The following CNTN5 variants were observed in gnomAD, a reference collection of about 807,000 sequenced individuals.
CNTN5 encodes the protein contactin 5, also known as contactin-5.
In CNTN5, 77 loss-of-function variants were observed where a neutral mutation model predicts 129.1. The observed-to-expected ratio is 0.60, with a 90% confidence interval of 0.50 to 0.72. The LOEUF (loss-of-function observed/expected upper bound fraction) is 0.72, where lower values mean the gene tolerates loss of function less well. CNTN5 is among the 30% of genes least tolerant of loss of function. The probability of loss-of-function intolerance (pLI) is 0.00; values close to 1 mark genes in which losing one functional copy is unlikely to be tolerated. For synonymous variants in CNTN5, 509 were observed against 465.6 expected (o/e 1.09, Z -1.20); for missense variants, 1,478 against 1,328.8 (o/e 1.11, Z -1.75).
intron 3 of CNTN5, among the ~76,000 whole-genome samples, chr11:99,560,954 AT>A (rs1182257916): frequency 5.3e-5 from 8 of 152,178 alleles, no homozygotes; most frequent in Non-Finnish European, 8.8e-5. Context: ...ACTAATACCT[AT>A]TTCATTTCTC....
chr11:100,233,558 G>C (rs1301710598), intron 16 of CNTN5, among the ~76,000 whole-genome samples: 2 of 152,176 alleles, frequency 1.3e-5, no homozygotes, highest in Non-Finnish European at 2.9e-5. Flanking sequence ...TGAGACAATA[G>C]TATTAGTAAT....
intron 7 of CNTN5, among the ~76,000 whole-genome samples, chr11:99,932,097 T>C (rs1409669896): frequency 6.6e-6 from 1 of 152,200 alleles, no homozygotes; most frequent in Admixed American, 6.6e-5. Flanking sequence ...ACTGTATTCA[T>C]TTTTTTCAGC....
rs570332881 is a variant in CNTN5 at position 100,071,291 on chromosome 11, G to A, written c.1300-414G>A. 2.6e-5 allele frequency among the ~76,000 whole-genome samples: 4 copies of A among 151,986 alleles called. No individual in the cohort carries two copies. In the East Asian group the frequency reaches 7.8e-4, roughly 30 times the overall value. ...GTAAAGGGATTGTTCTTATGACCTG[G>A]GCTATTTTTAACCTTGATCTCATGT... On this transcript the variant is annotated intron_variant, in intron 11 of 24. Transcript: ENST00000524871.
At chr11:100,196,816 G>T (rs527388419) in intron 15 of CNTN5, among the ~76,000 whole-genome samples, 1 of 151,450 alleles carries the variant, frequency 6.6e-6, no homozygotes, top group Admixed American at 6.6e-5. Context: ...CCTTTTTTTT[G>T]GCAAATTTTA....
chr11:99,932,949 C>T (rs1470563634), intron 7 of CNTN5, among the ~76,000 whole-genome samples: 1 of 152,104 alleles, frequency 6.6e-6, no homozygotes, highest in Non-Finnish European at 1.5e-5. Flanking sequence ...TTTTCCTACT[C>T]GATGTAGGCT....
chr11:100,070,649 C>G (rs1943886078), intron 11 of CNTN5, 89 bp downstream of exon 11: 3 of 1,241,698 alleles, frequency 2.4e-6, no homozygotes, highest in South Asian at 1.3e-5. Context: ...TTATTGAAAG[C>G]CTTTTCCTGT....
intron 3 of CNTN5, among the ~76,000 whole-genome samples, chr11:99,633,210 G>T (rs1346854853): frequency 2.0e-5 from 3 of 152,102 alleles, no homozygotes; most frequent in Non-Finnish European, 4.4e-5. Flanking sequence ...AACCTGACAA[G>T]AATAGACTTC....
intron 24 of CNTN5, among the ~76,000 whole-genome samples, 154 bp downstream of exon 24, chr11:100,351,024 C>T (rs1234673583): frequency 6.6e-6 from 1 of 151,628 alleles, no homozygotes; most frequent in African/African-American, 2.4e-5. Flanking sequence ...TTAATATGAA[C>T]CATAGTAATC....
intron 3 of CNTN5, among the ~76,000 whole-genome samples, chr11:99,710,253 A>G (rs564451888): frequency 8.8e-4 from 133 of 151,930 alleles, no homozygotes; most frequent in African/African-American, 3.1e-3. Flanking sequence ...ACCCTGCGTC[A>G]AGAATCCTAT....
intron 1 of CNTN5, among the ~76,000 whole-genome samples, chr11:99,042,792 G>A (rs1864057285): frequency 6.7e-6 from 1 of 148,606 alleles, no homozygotes; most frequent in Non-Finnish European, 1.5e-5. Context: ...GAATGAATGT[G>A]GATGAGCATA....
chr11:99,789,464 G>T (rs1945660067), intron 3 of CNTN5, among the ~76,000 whole-genome samples: 1 of 151,892 alleles, frequency 6.6e-6, no homozygotes, highest in South Asian at 2.1e-4. Flanking sequence ...AATTATAAAT[G>T]GAATAAACTG....
At chr11:99,271,878 A>G (rs1863188589) in intron 1 of CNTN5, among the ~76,000 whole-genome samples, 1 of 151,876 alleles carries the variant, frequency 6.6e-6, no homozygotes, top group Non-Finnish European at 1.5e-5. Flanking sequence ...AATGTGTTTT[A>G]CGACCTACCT....
intron 18 of CNTN5, among the ~76,000 whole-genome samples, chr11:100,284,024 G>T (rs1273372692): frequency 2.0e-5 from 3 of 152,126 alleles, no homozygotes; most frequent in Non-Finnish European, 2.9e-5. Context: ...GTCTGGTTTT[G>T]CTTTCTTCTA....
rs76358049 is a variant in CNTN5, at chr11:99,720,681, C to T, written c.56-98863C>T. On this transcript the variant is annotated intron_variant, in intron 3 of 24. Coordinates refer to ENST00000524871, the MANE Select transcript of CNTN5 (RefSeq NM_014361.4). ...AATCAGGCAAGACAAATAAAGGAAT[C>T]GAAATGGGAAGAGAGGAAGCCAAAC... 1.8e-4 allele frequency among the ~76,000 whole-genome samples: 28 copies of T among 152,040 alleles called. No homozygotes were observed. In the East Asian group the frequency reaches 5.5e-3, roughly 30 times the overall value.
chr11:100,255,730 TTAACTTTA>T (rs1950051874), intron 16 of CNTN5, 22 bp from the exon 17 acceptor site: 1 of 1,600,296 alleles, frequency 6.2e-7, no homozygotes, highest in African/African-American at 1.3e-5. Context: ...TAATTTGTGC[TTAACTTTA>T]TCCATTGCCT....
intron 1 of CNTN5, among the ~76,000 whole-genome samples, chr11:99,209,484 G>GAGCT (rs1555078497): frequency 6.6e-6 from 1 of 151,696 alleles, no homozygotes; most frequent in Non-Finnish European, 1.5e-5. Context: ...GATCTTGCAT[G>GAGCT]AACAGAGAAA....
At chr11:99,060,926 C>T (rs1474684828) in intron 1 of CNTN5, among the ~76,000 whole-genome samples, 3 of 151,944 alleles carry the variant, frequency 2.0e-5, no homozygotes, top group African/African-American at 7.3e-5. Context: ...TCATGTCTTC[C>T]CAATACCTCA....
At chr11:100,177,737 G>C (rs116819786) in intron 13 of CNTN5, among the ~76,000 whole-genome samples, 2 of 152,086 alleles carry the variant, frequency 1.3e-5, no homozygotes, top group Admixed American at 1.3e-4. Flanking sequence ...CGACATATAC[G>C]TAGAGTTTAA....
At chr11:99,583,462 G>T (rs1268962772) in intron 3 of CNTN5, among the ~76,000 whole-genome samples, 1 of 152,206 alleles carries the variant, frequency 6.6e-6, no homozygotes, top group African/African-American at 2.4e-5. Context: ...TTGAGCTGTG[G>T]TGGGCTCCAC....
Sources: allele counts gnomAD v4.1 joint callset (sites outside exome capture counted in the v4.1 genomes callset), GRCh38; gene constraint gnomAD v4.1.1; transcripts MANE v1.5; gene names NCBI Gene and HGNC (gene_info 2026-07-23, HGNC 2026-07-21).